MYO1B: variants seen among roughly 807,000 people sequenced by gnomAD.
MYO1B encodes myosin IB.
Under a neutral mutation model 159.7 loss-of-function variants are expected in MYO1B, and 72 were observed. The observed-to-expected ratio is 0.45, with a 90% CI of 0.37 to 0.55. MYO1B has a LOEUF of 0.55. Ranked by LOEUF, MYO1B falls within the 20% of genes least tolerant of loss-of-function variation. The probability of loss-of-function intolerance (pLI) is 0.00; values close to 1 mark genes in which losing one functional copy is unlikely to be tolerated. For synonymous variants in MYO1B, 468 were observed against 473.8 expected, an observed-to-expected ratio of 0.99 and a Z score of 0.16; for missense variants, 1,062 against 1,364.8, an observed-to-expected ratio of 0.78 and a Z score of 3.50.
At position 191,390,276 on chromosome 2, in the gene MYO1B, C is replaced by G. The variant is rs1319765420; in HGVS notation, c.1782-16C>G. The G allele has an allele frequency of 1.2e-6, 2 of 1,602,946 alleles. No individual in the cohort carries two copies. Among genetic ancestry groups the G allele is most frequent in the Non-Finnish European group, 1.7e-6 (2 of 1,172,462 alleles). On this transcript the variant is annotated splice_polypyrimidine_tract_variant and intron_variant, in intron 17 of 30. Transcript: ENST00000392318. ...TAGGAGGCAGTTTATAACCTAAAATCTTTGTGATCTTTAAGGTGTATCAAA... is the reference window on the plus strand; with the variant it reads ...TAGGAGGCAGTTTATAACCTAAAATGTTTGTGATCTTTAAGGTGTATCAAA...
At chr2:191,359,838 T>C (rs886625381) in intron 7 of MYO1B, among the ~76,000 whole-genome samples, 2 of 152,234 alleles carry the variant, frequency 1.3e-5, no homozygotes, top group African/African-American at 4.8e-5. Context: ...TGTATCACTA[T>C]TGAGTGATAA....
rs557136854 is a variant in MYO1B, at chr2:191,293,363, G to A, written c.136-2748G>A. ...GGATTTGTTAAATGGTAATGTTACC[G>A]GAAAGGAGTCCCAATCCAGACCACA... On this transcript the variant is annotated intron_variant, in intron 2 of 30. Transcript: ENST00000392318. 4.4e-4 allele frequency among the ~76,000 whole-genome samples: 67 copies of A among 152,288 alleles called. 1 individual carries two copies. Among genetic ancestry groups the A allele is most frequent in the Admixed American group, 4.2e-3 (64 of 15,302 alleles).
intron 18 of MYO1B, among the ~76,000 whole-genome samples, chr2:191,391,290 G>A (rs1363068728): frequency 6.6e-6 from 1 of 152,206 alleles, no homozygotes; most frequent in Non-Finnish European, 1.5e-5. Flanking sequence ...TCATTTAACT[G>A]TACTGGTATT....
intron 1 of MYO1B, among the ~76,000 whole-genome samples, chr2:191,252,663 A>C (rs1360728191): frequency 1.3e-5 from 2 of 152,196 alleles, no homozygotes; most frequent in African/African-American, 4.8e-5. Context: ...CTCAGCTCCT[A>C]AATTTAACAG....
intron 5 of MYO1B, among the ~76,000 whole-genome samples, chr2:191,344,601 G>A (rs904488069): frequency 2.0e-5 from 3 of 151,766 alleles, no homozygotes; most frequent in African/African-American, 7.3e-5. Flanking sequence ...GAGGCCGAGG[G>A]GGGTGGATCA....
At chr2:191,363,650 T>A in intron 9 of MYO1B, 78 bp from the exon 10 acceptor site, 1 of 1,486,456 alleles carries the variant, frequency 6.7e-7, no homozygotes, top group Non-Finnish European at 8.9e-7. Flanking sequence ...CAGAAATAAA[T>A]CTGTAATATG....
In MYO1B at chr2:191,416,596, C is replaced by T. The variant is rs189272281; in HGVS notation, c.3287+354C>T. The T allele has an allele frequency of 2.3e-4, 39 of 172,208 alleles. No individual in the cohort carries two copies. In the East Asian group the frequency reaches 4.7e-3, roughly 21 times the overall value. The allele number at this position is 172,208 out of a possible 1,614,324, so 10.7% of individuals were successfully genotyped here. Reference sequence around the variant, plus strand: ...TTGGGAGGCCGAGGCAGGCGAATCACGAGGTCAGGAGTTCGAGACCAGCCT... The same window carrying T: ...TTGGGAGGCCGAGGCAGGCGAATCATGAGGTCAGGAGTTCGAGACCAGCCT... On this transcript the variant is annotated intron_variant, in intron 30 of 30. Coordinates refer to ENST00000392318, the MANE Select transcript of MYO1B (RefSeq NM_001130158.3).
chr2:191,383,547 CATAT>C (rs1177171872), intron 15 of MYO1B, among the ~76,000 whole-genome samples: 10 of 14,542 alleles, frequency 6.9e-4, no homozygotes, highest in Admixed American at 1.5e-3. Flanking sequence ...CACACACACA[CATAT>C]ATATATATGT....
rs368946599 is a variant in MYO1B, at chr2:191,329,946, C to T, written c.263C>T (p.Ser88Leu). 17 of 1,610,084 alleles carry T rather than the reference C, an allele frequency of 1.1e-5. No individual in the cohort carries two copies. Among genetic ancestry groups the T allele is most frequent in the African/African-American group, 5.4e-5 (4 of 74,686 alleles). Residue 88 changes from serine to leucine, a missense_variant, in exon 4 of 31, where the codon TCG becomes TTG. By Grantham distance (145) the Ser-to-Leu change is moderately radical. Around this residue, in one of 5 missense-constraint regions of MYO1B, gnomAD observed 415 missense variants for 544.0 expected, o/e 0.76. Coordinates refer to ENST00000392318, the MANE Select transcript of MYO1B (RefSeq NM_001130158.3). ...ATTATCCCCTGCAGCTTTGCCCTTT[C>T]GGATGAAGCATACAGATCCCTACGA... is the stretch of plus-strand genomic sequence containing the variant. ...YELSPHIFAL[S>L]DEAYRSLRDQ...
At chr2:191,301,405 G>A (rs1044418951) in intron 3 of MYO1B, among the ~76,000 whole-genome samples, 2 of 140,432 alleles carry the variant, frequency 1.4e-5, no homozygotes, top group African/African-American at 5.1e-5. Context: ...TCCCTAATCT[G>A]AAAATCCAAA....
intron 3 of MYO1B, among the ~76,000 whole-genome samples, chr2:191,317,684 G>C (rs554151963): frequency 1.3e-5 from 2 of 152,112 alleles, no homozygotes; most frequent in Non-Finnish European, 2.9e-5. Context: ...CTGTTTGCCT[G>C]TGTCTTCACA....
At chr2:191,317,455 T>A (rs1049895898) in intron 3 of MYO1B, among the ~76,000 whole-genome samples, 1 of 152,222 alleles carries the variant, frequency 6.6e-6, no homozygotes, top group African/African-American at 2.4e-5. Context: ...ATGTTACTAG[T>A]GCAAATGTAA....
At chr2:191,321,400 A>G (rs1690701346) in intron 3 of MYO1B, among the ~76,000 whole-genome samples, 2 of 152,194 alleles carry the variant, frequency 1.3e-5, no homozygotes, top group African/African-American at 4.8e-5. Context: ...GTTTGGAAAC[A>G]TTTGTGTTGG....
intron 3 of MYO1B, among the ~76,000 whole-genome samples, chr2:191,308,111 TC>T (rs1689764200): frequency 6.6e-6 from 1 of 151,958 alleles, no homozygotes; most frequent in Non-Finnish European, 1.5e-5. Context: ...AACATCCCTA[TC>T]CTGATGCTAC....
chr2:191,369,733 T>C (rs1007374319), intron 12 of MYO1B, 105 bp downstream of exon 12: 2 of 803,610 alleles, frequency 2.5e-6, no homozygotes, highest in South Asian at 1.7e-5. Context: ...TGATTGCCAC[T>C]TACAAAGATT....
In MYO1B at chr2:191,380,853, G is replaced by A. The variant is rs1458110956; in HGVS notation, c.1186-609G>A. Among the ~76,000 whole-genome samples, 4 of 152,174 alleles carry A rather than the reference G, an allele frequency of 2.6e-5. No individual in the cohort carries two copies. In the East Asian group the frequency reaches 7.7e-4, roughly 29 times the overall value. ...TTGCTAGGTGTGAGGTGCTGTGTAAGGGGTAGGAATACAGTGAACAAGAGA... is the reference window on the plus strand; with the variant it reads ...TTGCTAGGTGTGAGGTGCTGTGTAAAGGGTAGGAATACAGTGAACAAGAGA... On this transcript the variant is annotated intron_variant, in intron 13 of 30. Coordinates refer to ENST00000392318, the MANE Select transcript of MYO1B (RefSeq NM_001130158.3).
At chr2:191,360,279 A>G (rs1051467551) in intron 7 of MYO1B, among the ~76,000 whole-genome samples, 5 of 152,252 alleles carry the variant, frequency 3.3e-5, no homozygotes, top group African/African-American at 7.2e-5. Flanking sequence ...AGGTAGACTC[A>G]TAATTGAATG....
chr2:191,246,385 A>G (rs1685795679), intron 1 of MYO1B: 1 of 152,128 alleles, frequency 6.6e-6, no homozygotes. Context: ...CAAACACACA[A>G]CATTTTGTTC....
chr2:191,398,469 GA>G (rs1200783683), intron 21 of MYO1B, among the ~76,000 whole-genome samples: 9 of 145,494 alleles, frequency 6.2e-5, no homozygotes, highest in Non-Finnish European at 1.2e-4. Context: ...TCACTTCCCA[GA>G]CGGGGTGGCT....
Sources: allele counts gnomAD v4.1 joint callset (sites outside exome capture counted in the v4.1 genomes callset), GRCh38; gene constraint gnomAD v4.1.1; regional missense constraint gnomAD v4.1.1; transcripts MANE v1.5; gene names NCBI Gene and HGNC (gene_info 2026-07-23, HGNC 2026-07-21).